The following UTRN variants were observed in gnomAD, a reference collection of about 807,000 sequenced individuals.
UTRN encodes the protein dystrophin-related protein 1.
A neutral mutation model predicts 463.9 loss-of-function variants in UTRN; 283 were observed. The observed-to-expected ratio is 0.61, with a 90% CI of 0.55 to 0.67. UTRN has a LOEUF of 0.67. Among genes scored for constraint, UTRN ranks in the 30% least tolerant of loss-of-function variants. The probability of loss-of-function intolerance (pLI) is 0.00; values close to 1 mark genes in which losing one functional copy is unlikely to be tolerated. For synonymous variants in UTRN, 1,442 were observed against 1,431.5 expected, an observed-to-expected ratio of 1.01 and a Z score of -0.17; for missense variants, 3,922 against 4,084.3, an observed-to-expected ratio of 0.96 and a Z score of 1.08.
rs114722278 is a variant in UTRN, at chr6:144,570,296, C to T, written c.7290-6803C>T. Among the ~76,000 whole-genome samples, 1,455 of 152,140 alleles carry T rather than the reference C, an allele frequency of 9.6e-3. 12 individuals carry two copies. Among genetic ancestry groups the T allele is most frequent in the African/African-American group, 0.022 (924 of 41,512 alleles). The stretch of plus-strand genomic sequence containing the variant: ...AAAGTAAAATGTAGAGGTCTGGATG[C>T]GACAGAGGCAGTGACCACTCAGAGG... On this transcript the variant is annotated intron_variant, in intron 50 of 74. Transcript: ENST00000367545.
intron 3 of UTRN, among the ~76,000 whole-genome samples, chr6:144,412,482 T>G (rs982697919): frequency 6.6e-6 from 1 of 152,152 alleles, no homozygotes; most frequent in African/African-American, 2.4e-5. Context: ...TTGGGGTTCA[T>G]GAGTTAAAGA....
chr6:144,341,811 C>A (rs1053391898), intron 2 of UTRN, among the ~76,000 whole-genome samples: 1 of 152,194 alleles, frequency 6.6e-6, no homozygotes. Context: ...GGAAGCAGGG[C>A]CAACTTCTTT....
rs141749803 is a variant in UTRN, at chr6:144,338,821, C to T, written c.79+46914C>T. Among the ~76,000 whole-genome samples, 12 of 152,148 alleles carry T rather than the reference C, an allele frequency of 7.9e-5. No individual in the cohort carries two copies. In the East Asian group the frequency reaches 2.1e-3, roughly 27 times the overall value. On this transcript the variant is annotated intron_variant, in intron 2 of 74. Transcript: ENST00000367545. ...TAGCTACACTATTGAAGAAGACCTC[C>T]GAAAACCAGAAGGTGTTTTATTTGT...
chr6:144,373,146 C>T (rs1780151348), intron 2 of UTRN, among the ~76,000 whole-genome samples: 1 of 152,100 alleles, frequency 6.6e-6, no homozygotes, highest in Non-Finnish European at 1.5e-5. Context: ...TATCATATAA[C>T]TCAGTAATTT....
intron 54 of UTRN, among the ~76,000 whole-genome samples, chr6:144,740,007 A>G (rs561419194): frequency 2.0e-5 from 3 of 152,332 alleles, no homozygotes; most frequent in South Asian, 4.1e-4. Flanking sequence ...ACACTGTGCC[A>G]AGAAACTTAC....
intron 53 of UTRN, among the ~76,000 whole-genome samples, chr6:144,725,472 A>G (rs1420363477): frequency 2.6e-5 from 4 of 152,262 alleles, no homozygotes; most frequent in Non-Finnish European, 4.4e-5. Flanking sequence ...ATTATCTGGA[A>G]CAGAACTGTT....
At chr6:144,377,983 G>A (rs1780605573) in intron 2 of UTRN, among the ~76,000 whole-genome samples, 1 of 152,092 alleles carries the variant, frequency 6.6e-6, no homozygotes, top group South Asian at 2.1e-4. Flanking sequence ...TCAATCAGGG[G>A]CCAATTTAAT....
At chr6:144,420,435 T>C (rs974327138) in intron 3 of UTRN, among the ~76,000 whole-genome samples, 3 of 152,232 alleles carry the variant, frequency 2.0e-5, no homozygotes, top group Non-Finnish European at 4.4e-5. Flanking sequence ...CGAGGCTTCC[T>C]GATTTTCTAT....
At chr6:144,794,541 G>A (rs1168222792) in intron 63 of UTRN, among the ~76,000 whole-genome samples, 2 of 151,988 alleles carry the variant, frequency 1.3e-5, no homozygotes, top group Non-Finnish European at 2.9e-5. Flanking sequence ...CTCATACTCA[G>A]TGCAATTATA....
intron 51 of UTRN, among the ~76,000 whole-genome samples, chr6:144,669,661 T>C (rs1248206300): frequency 6.6e-6 from 1 of 152,140 alleles, no homozygotes; most frequent in Non-Finnish European, 1.5e-5. Context: ...AGTGATGATT[T>C]CTGAGATTTT....
chr6:144,775,648 C>T (rs1051305383), intron 60 of UTRN, among the ~76,000 whole-genome samples: 1 of 152,192 alleles, frequency 6.6e-6, no homozygotes, highest in African/African-American at 2.4e-5. Context: ...GGCTCAGCTG[C>T]ACATCCAGGA....
At chr6:144,660,874 G>A (rs959894763) in intron 51 of UTRN, among the ~76,000 whole-genome samples, 1 of 152,204 alleles carries the variant, frequency 6.6e-6, no homozygotes, top group Non-Finnish European at 1.5e-5. Flanking sequence ...TTAAATGTGC[G>A]TGTAGCTCTT....
chr6:144,386,469 A>C (rs1188467952), intron 2 of UTRN, among the ~76,000 whole-genome samples: 2 of 152,164 alleles, frequency 1.3e-5, no homozygotes, highest in Non-Finnish European at 2.9e-5. Context: ...AAACAAACAA[A>C]CAAAAAGTAT....
chr6:144,480,094 C>T (rs759050213), intron 26 of UTRN, 112 bp downstream of exon 26: 23 of 1,260,198 alleles, frequency 1.8e-5, no homozygotes, highest in Non-Finnish European at 2.4e-5. Flanking sequence ...TAGCATCTTT[C>T]ACAGTAGGTT....
At chr6:144,738,981 A>G (rs1789748827) in intron 54 of UTRN, among the ~76,000 whole-genome samples, 1 of 152,318 alleles carries the variant, frequency 6.6e-6, no homozygotes, top group African/African-American at 2.4e-5. Context: ...GTGTATGTGC[A>G]TATACAACTT....
rs1199410211 is a variant in UTRN, at chr6:144,732,245, T to TAC, written c.7939+1760_7939+1761insCA. Reference sequence around the variant, plus strand: ...ATATATATATATATATATACATATATATATATATATATACACACATATATA... The same window carrying TAC: ...ATATATATATATATATATACATATATACATATATATATATACACACATATATA... On this transcript the variant is annotated intron_variant, in intron 54 of 74. Transcript: ENST00000367545. Among the ~76,000 whole-genome samples the TAC allele has an allele frequency of 4.2e-3, 455 of 108,304 alleles. 3 individuals are homozygous for TAC. The highest frequency in any genetic ancestry group is 0.023 in the African/African-American group (427 of 18,298). The allele number at this position is 108,304 out of a possible 152,430, so 71.1% of individuals were successfully genotyped here. A position where few individuals can be genotyped will look rare whatever the true frequency, so the allele number is the denominator to read the frequency against.
chr6:144,473,949 A>C lies in UTRN; in HGVS notation c.3180+116A>C, dbSNP rs903594958. 4.8e-6 allele frequency: 3 copies of C among 629,086 alleles called. No individual in the cohort carries two copies. In the African/African-American group the frequency reaches 5.6e-5, roughly 12 times the overall value. 39.0% of individuals were successfully genotyped at this position (629,086 alleles called of 1,614,324 possible). A position where few individuals can be genotyped will look rare whatever the true frequency, so the allele number is the denominator to read the frequency against. ...TAGCATAGCATTACATCTAGATAAA[A>C]TATCTTTCATCATAAAGCTTTTATG... On this transcript the variant is annotated intron_variant, in intron 24 of 74. Transcript: ENST00000367545.
chr6:144,621,637 G>C (rs913496975), intron 51 of UTRN, among the ~76,000 whole-genome samples: 1 of 152,148 alleles, frequency 6.6e-6, no homozygotes, highest in African/African-American at 2.4e-5. Flanking sequence ...TGTGAAACAG[G>C]TGGATGTTGC....
intron 51 of UTRN, among the ~76,000 whole-genome samples, chr6:144,666,734 T>C (rs1317827051): frequency 6.6e-6 from 1 of 152,206 alleles, no homozygotes; most frequent in Non-Finnish European, 1.5e-5. Flanking sequence ...GTGGAAGGGT[T>C]TTCCACATAC....
Sources: allele counts gnomAD v4.1 joint callset (sites outside exome capture counted in the v4.1 genomes callset), GRCh38; gene constraint gnomAD v4.1.1; transcripts MANE v1.5; gene names NCBI Gene and HGNC (gene_info 2026-07-23, HGNC 2026-07-21).